ACVR1: variants seen among roughly 807,000 people sequenced by gnomAD.
ACVR1 encodes activin receptor type-1.
Under a neutral mutation model 57.1 loss-of-function variants are expected in ACVR1, and 38 were observed. The observed-to-expected ratio is 0.67, with a 90% CI of 0.51 to 0.87. The LOEUF (loss-of-function observed/expected upper bound fraction) is 0.87, where lower values mean the gene tolerates loss of function less well. Ranked by LOEUF, ACVR1 falls within the 40% of genes least tolerant of loss-of-function variation. The probability of loss-of-function intolerance (pLI) is 0.00; values close to 1 mark genes in which losing one functional copy is unlikely to be tolerated. For synonymous variants in ACVR1, 212 were observed against 228.1 expected, an observed-to-expected ratio of 0.93 and a Z score of 0.63; for missense variants, 463 against 638.2, an observed-to-expected ratio of 0.73 and a Z score of 2.96.
rs921903393 is a variant in ACVR1, at chr2:157,806,055, T to A, written c.-7-6555A>T. Among the ~76,000 whole-genome samples the A allele has an allele frequency of 2.0e-5, 3 of 152,026 alleles. 1 individual carries two copies. Among genetic ancestry groups the A allele is most frequent in the Non-Finnish European group, 4.4e-5 (3 of 68,002 alleles). ...GTTTCTCAGTCTGGTCTCGAACTCCTGGGCTTAATCAATCCCCCTGCCTCG... is the reference window on the plus strand; with the variant it reads ...GTTTCTCAGTCTGGTCTCGAACTCCAGGGCTTAATCAATCCCCCTGCCTCG... On this transcript the variant is annotated intron_variant, in intron 2 of 10. Coordinates refer to ENST00000434821, the MANE Select transcript of ACVR1 (RefSeq NM_001111067.4).
At chr2:157,812,236 G>A (rs1457435278) in intron 2 of ACVR1, among the ~76,000 whole-genome samples, 1 of 152,150 alleles carries the variant, frequency 6.6e-6, no homozygotes, top group Non-Finnish European at 1.5e-5. Flanking sequence ...GAACCATGTG[G>A]ATGCAATCAC....
In ACVR1 at chr2:157,876,296, G is replaced by A. The variant is rs1363266043; in HGVS notation, c.-683C>T. 6.9e-6 allele frequency among the ~76,000 whole-genome samples: 1 copy of A among 145,850 alleles called. No individual in the cohort carries two copies. Among genetic ancestry groups the A allele is most frequent in the Non-Finnish European group, 1.5e-5 (1 of 65,966 alleles). On this transcript the variant is annotated 5_prime_UTR_variant, in exon 1 of 11. Transcript: ENST00000434821. ...TAGAAAAGTTCCCCCTGCGCCGAGGGGGAGGCTGCGGCGGCGGCGGCGGCT... is the reference window on the plus strand; with the variant it reads ...TAGAAAAGTTCCCCCTGCGCCGAGGAGGAGGCTGCGGCGGCGGCGGCGGCT...
intron 3 of ACVR1, among the ~76,000 whole-genome samples, chr2:157,783,849 A>G (rs1294651730): frequency 1.3e-5 from 2 of 152,104 alleles, no homozygotes; most frequent in Non-Finnish European, 2.9e-5. Context: ...TCATGTATTT[A>G]TTTTTTATAT....
intron 5 of ACVR1, among the ~76,000 whole-genome samples, chr2:157,777,802 A>G (rs1686349600): frequency 6.6e-6 from 1 of 152,230 alleles, no homozygotes; most frequent in Non-Finnish European, 1.5e-5. Flanking sequence ...CTAAAAATAG[A>G]GTAACTGAAG....
intron 2 of ACVR1, among the ~76,000 whole-genome samples, chr2:157,809,529 G>A (rs913139230): frequency 1.3e-5 from 2 of 152,134 alleles, no homozygotes; most frequent in African/African-American, 4.8e-5. Flanking sequence ...GGAGGAGACA[G>A]GGAGAGGAGG....
At chr2:157,812,112 G>T (rs12987698) in intron 2 of ACVR1, among the ~76,000 whole-genome samples, 103,796 of 152,094 alleles carry the variant, frequency 0.68, 40,336 homozygotes, top group South Asian at 0.87. Context: ...TTCCTGGTTC[G>T]GTCCACTAAA....
At chr2:157,769,452 G>T (rs149144518) in intron 7 of ACVR1, among the ~76,000 whole-genome samples, 1 of 152,168 alleles carries the variant, frequency 6.6e-6, no homozygotes, top group Non-Finnish European at 1.5e-5. Flanking sequence ...ATCAACTACA[G>T]AAACTGAAAA....
chr2:157,783,328 C>T (rs1686597163), intron 3 of ACVR1, among the ~76,000 whole-genome samples: 1 of 152,158 alleles, frequency 6.6e-6, no homozygotes, highest in African/African-American at 2.4e-5. Context: ...ACAGGCTGTG[C>T]AGGGAGCCTG....
At chr2:157,805,183 G>C (rs1456925356) in intron 2 of ACVR1, among the ~76,000 whole-genome samples, 2 of 152,174 alleles carry the variant, frequency 1.3e-5, no homozygotes, top group African/African-American at 4.8e-5. Context: ...AGGATGAGGG[G>C]AAAGTTGTAA....
chr2:157,810,535 C>T lies in ACVR1; in HGVS notation c.-8+7850G>A, dbSNP rs181675208. ...TCAAAATGCTAACAAGTGAAAGAAA[C>T]ATCTAATCCATGATGAACATTTCCA... On this transcript the variant is annotated intron_variant, in intron 2 of 10. Transcript: ENST00000434821. Among the ~76,000 whole-genome samples the T allele has an allele frequency of 1.6e-3, 249 of 152,276 alleles. 1 individual carries two copies. Among genetic ancestry groups the T allele is most frequent in the African/African-American group, 5.9e-3 (244 of 41,558 alleles).
chr2:157,844,380 G>C (rs889842249), intron 1 of ACVR1, among the ~76,000 whole-genome samples: 2 of 151,994 alleles, frequency 1.3e-5, no homozygotes, highest in Non-Finnish European at 2.9e-5. Flanking sequence ...CTTCCCTCCA[G>C]AGGCCTTTCT....
At chr2:157,793,796 C>T (rs1574072315) in intron 3 of ACVR1, among the ~76,000 whole-genome samples, 2 of 152,216 alleles carry the variant, frequency 1.3e-5, no homozygotes, top group East Asian at 3.9e-4. Context: ...TTCTATTCTT[C>T]CCCCCAGCAG....
At chr2:157,783,953 C>T (rs1017807767) in intron 3 of ACVR1, among the ~76,000 whole-genome samples, 3 of 152,194 alleles carry the variant, frequency 2.0e-5, no homozygotes, top group African/African-American at 7.2e-5. Flanking sequence ...ACATTCGCTA[C>T]GTGCCACCTT....
intron 9 of ACVR1, among the ~76,000 whole-genome samples, chr2:157,752,871 T>C (rs921942323): frequency 1.4e-4 from 22 of 151,976 alleles, no homozygotes; most frequent in African/African-American, 4.1e-4. Flanking sequence ...ACAGGACCTA[T>C]AAAACAAAAA....
At chr2:157,738,611 G>A (rs372382136) in intron 9 of ACVR1, 41 bp from the exon 10 acceptor site, 55 of 1,613,632 alleles carry the variant, frequency 3.4e-5, no homozygotes, top group Non-Finnish European at 4.2e-5. Context: ...TAGCAAGAGA[G>A]TACAGGTTGC....
intron 6 of ACVR1, 151 bp from the exon 7 acceptor site, chr2:157,770,665 C>A: frequency 8.3e-6 from 7 of 840,338 alleles, no homozygotes; most frequent in Non-Finnish European, 1.3e-5. Flanking sequence ...ATATCACAAC[C>A]TTTATTTTTT....
chr2:157,868,133 C>G (rs532866551), intron 1 of ACVR1, among the ~76,000 whole-genome samples: 2 of 152,086 alleles, frequency 1.3e-5, no homozygotes, highest in African/African-American at 4.8e-5. Flanking sequence ...TCTAAGGTCT[C>G]GCATGCCACC....
At chr2:157,870,241 C>T (rs1558859835) in intron 1 of ACVR1, among the ~76,000 whole-genome samples, 1 of 145,490 alleles carries the variant, frequency 6.9e-6, no homozygotes, top group East Asian at 2.0e-4. Context: ...TTCGTTCTCC[C>T]CTCTGTACAT....
At chr2:157,815,364 T>C (rs1372653927) in intron 2 of ACVR1, among the ~76,000 whole-genome samples, 1 of 152,160 alleles carries the variant, frequency 6.6e-6, no homozygotes, top group African/African-American at 2.4e-5. Flanking sequence ...CACTCTACAC[T>C]CTTTTGTGCC....
Sources: allele counts gnomAD v4.1 joint callset (sites outside exome capture counted in the v4.1 genomes callset), GRCh38; gene constraint gnomAD v4.1.1; transcripts MANE v1.5; gene names NCBI Gene and HGNC (gene_info 2026-07-23, HGNC 2026-07-21).